DNAH9: variants seen among roughly 807,000 people sequenced by gnomAD.
The protein encoded by DNAH9 is DNAH9 variant protein.
DNAH9 carries 345 observed loss-of-function variants against 471.6 expected under a neutral mutation model. That is an observed-to-expected ratio of 0.73 (90% CI 0.67 to 0.80). The LOEUF (loss-of-function observed/expected upper bound fraction) is 0.80, where lower values mean the gene tolerates loss of function less well. DNAH9 is among the 30% of genes least tolerant of loss of function. The pLI is 0.00. For missense variants in DNAH9, 5,407 were observed against 5,609.2 expected, an observed-to-expected ratio of 0.96 and a Z score of 1.15; for synonymous variants, 2,093 against 2,123.6, an observed-to-expected ratio of 0.99 and a Z score of 0.40.
At chr17:11,889,869 G>A (rs950445349) in intron 57 of DNAH9, among the ~76,000 whole-genome samples, 3 of 152,182 alleles carry the variant, frequency 2.0e-5, no homozygotes, top group African/African-American at 7.2e-5. Flanking sequence ...TCAATGATAA[G>A]ACCCCATGGG....
In DNAH9 at chr17:11,623,024, A is replaced by ACT. The variant is rs2072902547; in HGVS notation, c.1350+3243_1350+3244insCT. On this transcript the variant is annotated intron_variant, in intron 6 of 68. Coordinates refer to ENST00000262442, the MANE Select transcript of DNAH9 (RefSeq NM_001372.4). The surrounding 1 kb of genome is among the most constrained non-coding windows in gnomAD (Gnocchi z 4.1). ...GTTTTGCTCTTGTTGCCCAGGCTGGAGTGCAGTGGCACAATCTCGGCTCAC... is the reference window on the plus strand; with the variant it reads ...GTTTTGCTCTTGTTGCCCAGGCTGGACTGTGCAGTGGCACAATCTCGGCTCAC... Among the ~76,000 whole-genome samples, 1 of 130,984 alleles carries ACT rather than the reference A, an allele frequency of 7.6e-6. No individual in the cohort carries two copies. Among genetic ancestry groups the ACT allele is most frequent in the Non-Finnish European group, 1.5e-5 (1 of 65,114 alleles). The allele number at this position is 130,984 out of a possible 152,430, so 85.9% of individuals were successfully genotyped here.
intron 38 of DNAH9, among the ~76,000 whole-genome samples, chr17:11,773,161 C>T (rs561352417): frequency 1.3e-5 from 2 of 152,316 alleles, no homozygotes; most frequent in Non-Finnish European, 2.9e-5. Context: ...GTTGCACCTC[C>T]TTCATGAACC....
intron 12 of DNAH9, 108 bp downstream of exon 12, chr17:11,647,306 CTT>C: frequency 8.6e-7 from 1 of 1,168,458 alleles, no homozygotes; most frequent in East Asian, 2.5e-5. Context: ...GAGTTTCACT[CTT>C]GTCGCCCAGG....
rs150548849 is a variant in DNAH9 at position 11,944,557 on chromosome 17, C to A, written c.12843+2072C>A. ...TGAGCAACAGTGATAGGGTGAACTT[C>A]CAAAAGGTGACAAAACAATGATAGA... On this transcript the variant is annotated intron_variant, in intron 67 of 68. Transcript: ENST00000262442. Among the ~76,000 whole-genome samples, 1,419 of 152,194 alleles carry A rather than the reference C, an allele frequency of 9.3e-3. 12 individuals are homozygous for A. Among genetic ancestry groups the A allele is most frequent in the Non-Finnish European group, 0.011 (764 of 67,996 alleles).
chr17:11,728,023 T>C, intron 28 of DNAH9, 101 bp downstream of exon 28: 3 of 734,786 alleles, frequency 4.1e-6, no homozygotes, highest in Admixed American at 2.2e-5. Flanking sequence ...TCTACGTCCC[T>C]TTTTCCCTTG....
intron 1 of DNAH9, 88 bp from the exon 2 acceptor site, chr17:11,608,041 A>T: frequency 9.6e-7 from 1 of 1,040,764 alleles, no homozygotes; most frequent in Non-Finnish European, 1.4e-6. Context: ...GGTTGTATAT[A>T]GCTTTATAAG....
At chr17:11,809,685 C>G (rs1268234238) in intron 44 of DNAH9, among the ~76,000 whole-genome samples, 1 of 152,110 alleles carries the variant, frequency 6.6e-6, no homozygotes, top group Admixed American at 6.5e-5. Flanking sequence ...CAATGGCTTG[C>G]CTTCAGGAGC....
intron 9 of DNAH9, among the ~76,000 whole-genome samples, chr17:11,637,966 C>T (rs1410314788): frequency 6.6e-6 from 1 of 152,032 alleles, no homozygotes; most frequent in Admixed American, 6.6e-5. Context: ...CAAAGGCCTT[C>T]AAAGCAGATA....
At chr17:11,863,696 A>C (rs918094164) in intron 50 of DNAH9, among the ~76,000 whole-genome samples, 4 of 150,660 alleles carry the variant, frequency 2.7e-5, no homozygotes, top group African/African-American at 9.7e-5. Flanking sequence ...CCACAATTTC[A>C]GCTCCTGTTA....
At chr17:11,818,902 AT>A (rs1567824014) in intron 45 of DNAH9, among the ~76,000 whole-genome samples, 7 of 150,266 alleles carry the variant, frequency 4.7e-5, no homozygotes, top group African/African-American at 1.5e-4. Context: ...TATTATTATT[AT>A]TATTATTATT....
intron 1 of DNAH9, among the ~76,000 whole-genome samples, chr17:11,601,747 A>G (rs1220891563): frequency 6.6e-6 from 1 of 151,856 alleles, no homozygotes; most frequent in South Asian, 2.1e-4. Flanking sequence ...CCTCTCTCTC[A>G]GCACCTTGTA....
At chr17:11,715,126 G>T (rs911313793) in intron 26 of DNAH9, among the ~76,000 whole-genome samples, 6 of 152,168 alleles carry the variant, frequency 3.9e-5, no homozygotes, top group Non-Finnish European at 1.5e-5. Flanking sequence ...CCACTTTTCC[G>T]TGATAAGCAC....
At chr17:11,599,025 G>C (rs1359882981) in intron 1 of DNAH9, 110 bp downstream of exon 1, 1 of 936,212 alleles carries the variant, frequency 1.1e-6, no homozygotes, top group African/African-American at 1.8e-5. Context: ...CTGCAGGGGA[G>C]GTCCAAGAGG....
chr17:11,955,255 A>G (rs1303913773), intron 67 of DNAH9, among the ~76,000 whole-genome samples: 2 of 152,174 alleles, frequency 1.3e-5, no homozygotes, highest in Non-Finnish European at 2.9e-5. Flanking sequence ...TTTGTGCTAC[A>G]ATAGCAGAAT....
chr17:11,867,958 T>C (rs1972118318), intron 50 of DNAH9, among the ~76,000 whole-genome samples: 1 of 152,202 alleles, frequency 6.6e-6, no homozygotes. Context: ...ATTTCTGAGA[T>C]CTCCAGTTTG....
chr17:11,918,066 T>C (rs1382258400), intron 61 of DNAH9, among the ~76,000 whole-genome samples: 1 of 152,222 alleles, frequency 6.6e-6, no homozygotes, highest in Non-Finnish European at 1.5e-5. Flanking sequence ...CTGAGATTTT[T>C]GTAGGCCTGC....
At chr17:11,866,219 T>C (rs1972048588) in intron 50 of DNAH9, among the ~76,000 whole-genome samples, 1 of 151,964 alleles carries the variant, frequency 6.6e-6, no homozygotes, top group Non-Finnish European at 1.5e-5. Context: ...TTCTGTTTGT[T>C]AGTTTTCCTT....
intron 50 of DNAH9, 93 bp downstream of exon 50, chr17:11,854,521 T>C: frequency 7.1e-7 from 1 of 1,402,970 alleles, no homozygotes; most frequent in South Asian, 1.5e-5. Flanking sequence ...TTACGGTTTT[T>C]AAAGAGAAGC....
intron 67 of DNAH9, among the ~76,000 whole-genome samples, chr17:11,960,146 C>G (rs1192224577): frequency 6.6e-6 from 1 of 152,060 alleles, no homozygotes; most frequent in African/African-American, 2.4e-5. Flanking sequence ...TTAAGAATTC[C>G]AAAAGTGGGC....
Sources: gnomAD v4.1 joint callset for allele counts (sites outside exome capture counted in the v4.1 genomes callset) on GRCh38, gnomAD v4.1.1 for gene constraint, Gnocchi (gnomAD v3.1) non-coding constraint, MANE v1.5 for transcripts, NCBI Gene and HGNC (gene_info 2026-07-23, HGNC 2026-07-21) for gene names.